Variants in GRM7 observed in about 807,000 individuals in gnomAD.
GRM7 encodes glutamate metabotropic receptor 7, also known as metabotropic glutamate receptor 7.
In GRM7, 35 loss-of-function variants were observed where a neutral mutation model predicts 84.5. That is an observed-to-expected ratio of 0.41 (90% confidence interval 0.32 to 0.55). GRM7 has a LOEUF of 0.55. GRM7 is among the 20% of genes least tolerant of loss of function. The pLI, the probability that GRM7 is intolerant of heterozygous loss-of-function variation, is 0.19. For missense variants in GRM7, 1,003 were observed against 1,194.6 expected (o/e 0.84, Z 2.36); for synonymous variants, 487 against 455.1 (o/e 1.07, Z -0.89).
At chr3:7,697,716 C>T (rs901172605) in intron 9 of GRM7, among the ~76,000 whole-genome samples, 5 of 152,096 alleles carry the variant, frequency 3.3e-5, no homozygotes, top group Non-Finnish European at 7.4e-5. Flanking sequence ...GAATTATTAG[C>T]GCTACATAGC....
At chr3:7,218,495 T>G (rs751202059) in intron 2 of GRM7, among the ~76,000 whole-genome samples, 7 of 152,008 alleles carry the variant, frequency 4.6e-5, no homozygotes, top group Admixed American at 1.3e-4. Context: ...ATAATACATG[T>G]TTATTGTGGG....
In GRM7 at chr3:7,461,577, C is replaced by A. The variant is rs777808033; in HGVS notation, c.1376-6C>A. On this transcript the variant is annotated splice_polypyrimidine_tract_variant and splice_region_variant and intron_variant, in intron 6 of 9. Coordinates refer to ENST00000357716, the MANE Select transcript of GRM7 (RefSeq NM_000844.4). ...TAGAATCTTTCATTTTTTCTGTCTT[C>A]CTTAGGTAGTGCTGGCACTCCAGTG... is the stretch of plus-strand genomic sequence containing the variant. 5 of 1,608,982 alleles carry A rather than the reference C, an allele frequency of 3.1e-6. No homozygotes were observed. The African/African-American group carries it at 5.4e-5, about 17-fold the overall frequency.
At chr3:6,985,024 T>C (rs1282958699) in intron 1 of GRM7, among the ~76,000 whole-genome samples, 3 of 152,222 alleles carry the variant, frequency 2.0e-5, no homozygotes, top group African/African-American at 4.8e-5. Flanking sequence ...TAAACAAGGC[T>C]CACACCTCCT....
chr3:7,587,522 G>A (rs1420730189), intron 8 of GRM7, among the ~76,000 whole-genome samples: 1 of 152,172 alleles, frequency 6.6e-6, no homozygotes, highest in Non-Finnish European at 1.5e-5. Flanking sequence ...GCTGACACTG[G>A]AGAGACGGGT....
intron 2 of GRM7, among the ~76,000 whole-genome samples, chr3:7,198,072 AGTTTTAATC>A (rs2125111084): frequency 6.6e-6 from 1 of 152,060 alleles, no homozygotes; most frequent in African/African-American, 2.4e-5. Flanking sequence ...GCTGATGATG[AGTTTTAATC>A]GTTTTAATCA....
chr3:7,529,409 A>T (rs187463172), intron 7 of GRM7, among the ~76,000 whole-genome samples: 1 of 152,118 alleles, frequency 6.6e-6, no homozygotes, highest in Non-Finnish European at 1.5e-5. Context: ...TCGCACATCC[A>T]TTCAAGTTTT....
In GRM7 at chr3:7,111,900, A is replaced by AC. The variant is rs200109356; in HGVS notation, c.520-34545dup. Among the ~76,000 whole-genome samples the AC allele has an allele frequency of 7.2e-5, 11 of 151,932 alleles. No homozygotes were observed. The East Asian group carries it at 1.4e-3, about 19-fold the overall frequency. On this transcript the variant is annotated intron_variant, in intron 1 of 9. Coordinates refer to ENST00000357716, the MANE Select transcript of GRM7 (RefSeq NM_000844.4). ...TCAAGAAGAAGAACATATTACCAGC[A>AC]CCCCCCCACCCTCAGAGAGTCCCGT... is the stretch of plus-strand genomic sequence containing the variant.
At chr3:7,071,818 T>C (rs143543677) in intron 1 of GRM7, among the ~76,000 whole-genome samples, 615 of 152,260 alleles carry the variant, frequency 4.0e-3, no homozygotes, top group Middle Eastern at 0.01. Context: ...AAGTTAGTGT[T>C]GAAGTCCTAT....
intron 7 of GRM7, among the ~76,000 whole-genome samples, chr3:7,550,200 A>C (rs1575482067): frequency 6.6e-6 from 1 of 151,816 alleles, no homozygotes; most frequent in East Asian, 1.9e-4. Context: ...GCCAAAAAAA[A>C]ACCTAAAAGG....
chr3:7,519,391 C>T (rs1270809453), intron 7 of GRM7, among the ~76,000 whole-genome samples: 1 of 144,684 alleles, frequency 6.9e-6, no homozygotes, highest in Non-Finnish European at 1.5e-5. Flanking sequence ...ACATATTTGC[C>T]ATTATATTTT....
intron 1 of GRM7, among the ~76,000 whole-genome samples, chr3:7,084,702 C>G (rs1360621200): frequency 6.6e-6 from 1 of 152,016 alleles, no homozygotes; most frequent in African/African-American, 2.4e-5. Context: ...ATTAGATATT[C>G]AAGTCTGGAG....
chr3:7,007,388 A>G (rs1377190939), intron 1 of GRM7, among the ~76,000 whole-genome samples: 6 of 152,188 alleles, frequency 3.9e-5, no homozygotes, highest in African/African-American at 1.4e-4. Context: ...GATCTTCCCT[A>G]TAACTCTCCT....
chr3:7,440,823 T>C (rs1274733185), intron 5 of GRM7, among the ~76,000 whole-genome samples: 1 of 152,136 alleles, frequency 6.6e-6, no homozygotes, highest in Non-Finnish European at 1.5e-5. Context: ...AAAGATATTA[T>C]CTCATTCTTT....
chr3:7,500,374 G>C (rs965102131), intron 7 of GRM7, among the ~76,000 whole-genome samples: 3 of 152,156 alleles, frequency 2.0e-5, no homozygotes, highest in African/African-American at 7.2e-5. Flanking sequence ...TTCAGAGTCG[G>C]TGTTTGCTTC....
At chr3:6,960,221 C>T (rs1270765753) in intron 1 of GRM7, among the ~76,000 whole-genome samples, 1 of 152,174 alleles carries the variant, frequency 6.6e-6, no homozygotes, top group East Asian at 1.9e-4. Flanking sequence ...TCTTCCCGAC[C>T]TCTTTCCAGT....
chr3:7,390,408 G>T (rs1694945455), intron 4 of GRM7, among the ~76,000 whole-genome samples: 1 of 152,056 alleles, frequency 6.6e-6, no homozygotes, highest in Non-Finnish European at 1.5e-5. Flanking sequence ...CAAGATTGGA[G>T]AAGTTTTCTT....
chr3:6,905,318 T>G (rs915050719), intron 1 of GRM7, among the ~76,000 whole-genome samples: 17 of 152,194 alleles, frequency 1.1e-4, no homozygotes, highest in Non-Finnish European at 4.4e-5. Flanking sequence ...CTGTACCATT[T>G]GTTATATGAA....
Position 6,861,610 on chromosome 3 carries a change from C to T in GRM7, c.222C>T (p.Asn74=), listed in dbSNP as rs3749380. The T allele has an allele frequency of 0.4, 637,611 of 1,610,478 alleles. 127,914 individuals are homozygous for T. The highest frequency in any genetic ancestry group is 0.56 in the South Asian group (50,716 of 90,798). The change falls in exon 1 of 10, where the codon AAC becomes AAT. Residue 74 remains asparagine (N), a synonymous_variant. Transcript: ENST00000357716. The surrounding 1 kb of genome is among the most constrained non-coding windows in gnomAD (Gnocchi z 6.4). ...GVPCGDIKRE[N]GIHRLEAMLY... ...CCTGCGGCGACATCAAGAGGGAAAA[C>T]GGGATCCACAGGCTGGAAGCGATGC...
intron 2 of GRM7, among the ~76,000 whole-genome samples, chr3:7,266,674 A>G (rs1365394351): frequency 1.3e-5 from 2 of 152,172 alleles, no homozygotes; most frequent in East Asian, 1.9e-4. Context: ...ACAATTTTTG[A>G]TATAAATTTA....
Sources: allele counts gnomAD v4.1 joint callset (sites outside exome capture counted in the v4.1 genomes callset), GRCh38; gene constraint gnomAD v4.1.1; non-coding constraint Gnocchi (gnomAD v3.1); transcripts MANE v1.5; gene names NCBI Gene and HGNC (gene_info 2026-07-23, HGNC 2026-07-21).